Variants in SV2C observed in about 807,000 individuals in gnomAD.
The protein encoded by SV2C is solute carrier family 22 member B3.
Under a neutral mutation model 79.7 loss-of-function variants are expected in SV2C, and 49 were observed. That is an observed-to-expected ratio of 0.61 (90% CI 0.49 to 0.78). SV2C has a LOEUF of 0.78. Ranked by LOEUF, SV2C falls within the 30% of genes least tolerant of loss-of-function variation. SV2C has a pLI of 0.00. For missense variants in SV2C, 833 were observed against 912.9 expected (o/e 0.91, Z 1.13); for synonymous variants, 334 against 333.2 (o/e 1.00, Z -0.03).
chr5:76,303,585 C>A (rs1349979701), intron 12 of SV2C, among the ~76,000 whole-genome samples: 1 of 152,018 alleles, frequency 6.6e-6, no homozygotes, highest in African/African-American at 2.4e-5. Flanking sequence ...AGCTGCTTAT[C>A]CCTCTGCCAT....
chr5:76,011,362 C>T, the SV2C span, among the ~76,000 whole-genome samples: 2 of 152,090 alleles, frequency 1.3e-5, no homozygotes, highest in East Asian at 3.9e-4. Flanking sequence ...TTCTCCCATT[C>T]TGGAGATGAG....
the SV2C span, among the ~76,000 whole-genome samples, chr5:75,848,512 G>T: frequency 2.0e-5 from 3 of 152,210 alleles, no homozygotes; most frequent in Admixed American, 1.3e-4. Context: ...TAACAAGTCA[G>T]AATTGGTTGC....
the SV2C span, among the ~76,000 whole-genome samples, chr5:75,913,254 T>TA: frequency 6.6e-6 from 1 of 152,188 alleles, no homozygotes; most frequent in Non-Finnish European, 1.5e-5. Context: ...GTCCCCAGGA[T>TA]CTGATCCAGC....
chr5:76,056,624 CTT>C, the SV2C span, among the ~76,000 whole-genome samples: 234 of 65,710 alleles, frequency 3.6e-3, 2 homozygotes, highest in East Asian at 0.067. Context: ...CCTGGGCTTT[CTT>C]TTTTTTTTTT....
intron 6 of SV2C, among the ~76,000 whole-genome samples, chr5:76,290,107 A>T (rs1747506896): frequency 1.3e-5 from 2 of 152,234 alleles, no homozygotes; most frequent in South Asian, 2.1e-4. Flanking sequence ...AACTTTTTAA[A>T]TCTAGAGTTT....
chr5:75,864,974 G>T, the SV2C span, among the ~76,000 whole-genome samples: 1 of 152,316 alleles, frequency 6.6e-6, no homozygotes, highest in African/African-American at 2.4e-5. Flanking sequence ...GGTGTTGGTG[G>T]TGGGAAAAGA....
At chr5:75,915,293 A>G in the SV2C span, among the ~76,000 whole-genome samples, 1 of 152,292 alleles carries the variant, frequency 6.6e-6, no homozygotes, top group South Asian at 2.1e-4. Context: ...CTGAAATCAT[A>G]CTCCTAATCA....
At position 76,171,078 on chromosome 5, in the gene SV2C, GC is replaced by G. The variant is rs533443172; in HGVS notation, c.581-23837del. 4.6e-3 allele frequency: 487 copies of G among 106,056 alleles called. 11 individuals are homozygous for G. The highest frequency in any genetic ancestry group is 0.028 in the African/African-American group (446 of 16,202). 6.6% of individuals were successfully genotyped at this position (106,056 alleles called of 1,614,324 possible). A position where few individuals can be genotyped will look rare whatever the true frequency, so the allele number is the denominator to read the frequency against. Reference sequence around the variant, plus strand: ...AGGCAGCGGCTGGAGGAGCGGACGGGCCCCGCGGGGCCCGAGGGCAAGGAGC... The same window carrying G: ...AGGCAGCGGCTGGAGGAGCGGACGGGCCCGCGGGGCCCGAGGGCAAGGAGC... On this transcript the variant is annotated intron_variant, in intron 2 of 12. Coordinates refer to ENST00000502798, the MANE Select transcript of SV2C (RefSeq NM_014979.4).
the SV2C span, among the ~76,000 whole-genome samples, chr5:75,878,988 T>A: frequency 1.3e-5 from 2 of 152,100 alleles, no homozygotes; most frequent in Admixed American, 6.6e-5. Context: ...TCTCACATGG[T>A]GAGAATGGGA....
chr5:76,008,811 A>G, the SV2C span, among the ~76,000 whole-genome samples: 1 of 152,150 alleles, frequency 6.6e-6, no homozygotes, highest in East Asian at 1.9e-4. Context: ...CACTCAGAGT[A>G]AAAGTCAATG....
At chr5:76,216,454 A>G (rs188629563) in intron 4 of SV2C, among the ~76,000 whole-genome samples, 57 of 152,296 alleles carry the variant, frequency 3.7e-4, no homozygotes, top group African/African-American at 1.3e-3. Flanking sequence ...TGAGAAGGAA[A>G]TGCCCTTGCC....
intron 4 of SV2C, among the ~76,000 whole-genome samples, chr5:76,238,470 T>C (rs11749695): frequency 0.31 from 47,866 of 151,966 alleles, 8,027 homozygotes; most frequent in Non-Finnish European, 0.37. Flanking sequence ...CTTCTGAGTT[T>C]CTTTTTTTCT....
intron 2 of SV2C, chr5:76,170,839 G>C (rs1411082546): frequency 4.3e-6 from 1 of 231,250 alleles, no homozygotes; most frequent in Non-Finnish European, 8.0e-6. Flanking sequence ...TGGTGGCCGC[G>C]GGTGGTGGTT....
chr5:76,223,009 G>A (rs1366156358), intron 4 of SV2C, among the ~76,000 whole-genome samples: 1 of 152,084 alleles, frequency 6.6e-6, no homozygotes, highest in African/African-American at 2.4e-5. Context: ...ACACAGAGTT[G>A]GAATGGTGTC....
At chr5:76,032,661 G>C in the SV2C span, among the ~76,000 whole-genome samples, 1 of 152,112 alleles carries the variant, frequency 6.6e-6, no homozygotes, top group African/African-American at 2.4e-5. Flanking sequence ...TGGACATCTG[G>C]GTTGGTTCCA....
chr5:76,225,627 C>T (rs1004126831), intron 4 of SV2C, among the ~76,000 whole-genome samples: 49 of 151,722 alleles, frequency 3.2e-4, no homozygotes, highest in African/African-American at 1.1e-3. Context: ...TAGTGGTAGC[C>T]GAAGAGATGA....
At chr5:76,079,290 T>C (rs762840344), upstream of SV2C, 7 of 324,932 alleles carry the variant, frequency 2.2e-5, no homozygotes, top group East Asian at 8.0e-5. Context: ...TTATGAGAAA[T>C]AGTCAAACTA....
chr5:75,973,988 C>T, the SV2C span, among the ~76,000 whole-genome samples: 1 of 151,782 alleles, frequency 6.6e-6, no homozygotes, highest in East Asian at 1.9e-4. Flanking sequence ...GATTGAGAAC[C>T]ATGGTCAAAA....
the SV2C span, among the ~76,000 whole-genome samples, chr5:75,999,876 G>A: frequency 1.3e-5 from 2 of 152,156 alleles, no homozygotes; most frequent in African/African-American, 4.8e-5. Context: ...TGAAGTGTGA[G>A]TCTCACGTGG....
Sources: gnomAD v4.1 joint callset for allele counts (sites outside exome capture counted in the v4.1 genomes callset) on GRCh38, gnomAD v4.1.1 for gene constraint, MANE v1.5 for transcripts, NCBI Gene and HGNC (gene_info 2026-07-23, HGNC 2026-07-21) for gene names.